Variants in SYT2 observed in about 807,000 individuals in gnomAD.
SYT2 encodes synaptotagmin 2, also known as synaptotagmin-2.
A neutral mutation model predicts 39.9 loss-of-function variants in SYT2; 15 were observed. The observed-to-expected ratio is 0.38, with a 90% confidence interval of 0.25 to 0.58. The LOEUF is 0.58. Among genes scored for constraint, SYT2 ranks in the 20% least tolerant of loss-of-function variants. SYT2 has a pLI of 0.70. For synonymous variants in SYT2, 181 were observed against 204.5 expected, an observed-to-expected ratio of 0.89 and a Z score of 0.98; for missense variants, 389 against 530.3, an observed-to-expected ratio of 0.73 and a Z score of 2.62.
chr1:202,684,476 T>C (rs1653609230), intron 1 of SYT2, among the ~76,000 whole-genome samples: 1 of 152,246 alleles, frequency 6.6e-6, no homozygotes, highest in Admixed American at 6.5e-5. Context: ...ATCTCCTTCT[T>C]TTTTAAATGG....
rs148095844 is a variant in SYT2 at position 202,705,030 on chromosome 1, C to G, written c.-18+5228G>C. The stretch of plus-strand genomic sequence containing the variant: ...CACCCAGCCTCCTGCTTCTACTCAA[C>G]GCGTTAGTGGCCTCATCCCAAGGAC... On this transcript the variant is annotated intron_variant, in intron 1 of 8. Transcript: ENST00000367268. Among the ~76,000 whole-genome samples, 1,010 of 152,372 alleles carry G rather than the reference C, an allele frequency of 6.6e-3. 20 individuals are homozygous for G. The highest frequency in any genetic ancestry group is 0.023 in the African/African-American group (970 of 41,584).
intron 1 of SYT2, among the ~76,000 whole-genome samples, chr1:202,640,702 T>A (rs925345444): frequency 7.5e-5 from 11 of 147,376 alleles, no homozygotes; most frequent in Non-Finnish European, 1.5e-4. Context: ...CTGTTTCCCA[T>A]GAAGTTTCTA....
At chr1:202,642,311 C>T (rs1009014297) in intron 1 of SYT2, among the ~76,000 whole-genome samples, 17 of 151,912 alleles carry the variant, frequency 1.1e-4, no homozygotes, top group Non-Finnish European at 4.4e-5. Context: ...CAGCGATTCC[C>T]AGGTGCAGAG....
At chr1:202,669,204 G>C (rs965823235) in intron 1 of SYT2, among the ~76,000 whole-genome samples, 1 of 152,130 alleles carries the variant, frequency 6.6e-6, no homozygotes, top group Non-Finnish European at 1.5e-5. Context: ...CTAAAATACT[G>C]TTTAGAAATA....
At chr1:202,633,864 G>A (rs1691666242) in intron 1 of SYT2, among the ~76,000 whole-genome samples, 1 of 152,238 alleles carries the variant, frequency 6.6e-6, no homozygotes, top group Non-Finnish European at 1.5e-5. Flanking sequence ...GCCACATGGT[G>A]AGTCAGACAG....
Position 202,594,848 on chromosome 1 carries a change from C to CA in SYT2, c.*1908dup, listed in dbSNP as rs1182606306. ...CCCTCATTTCCCTCACTCCTTCATCCAAAAAACAAAGCAAAACCAAAAGCC... is the reference window on the plus strand; with the variant it reads ...CCCTCATTTCCCTCACTCCTTCATCCAAAAAAACAAAGCAAAACCAAAAGCC... On this transcript the variant is annotated 3_prime_UTR_variant, in exon 9 of 9. Transcript: ENST00000367268. The CA allele has an allele frequency of 6.6e-6, 1 of 152,044 alleles. No individual in the cohort carries two copies. The highest frequency in any genetic ancestry group is 1.5e-5 in the Non-Finnish European group (1 of 68,012). The allele number at this position is 152,044 out of a possible 1,614,324, so 9.4% of individuals were successfully genotyped here.
At chr1:202,681,563 C>T (rs1022365987) in intron 1 of SYT2, among the ~76,000 whole-genome samples, 4 of 152,212 alleles carry the variant, frequency 2.6e-5, no homozygotes, top group African/African-American at 7.2e-5. Flanking sequence ...AGTGTATGAT[C>T]TTGAGCCCTG....
rs150392142 is a variant in SYT2, at chr1:202,603,113, G to A, written c.351C>T (p.Asp117=). 439 of 1,613,744 alleles carry A rather than the reference G, an allele frequency of 2.7e-4. No individual in the cohort carries two copies. The African/African-American group carries it at 3.9e-3, about 14-fold the overall frequency. The part of the protein sequence containing the change: ...NMKDMKGGQD[D]DDAETGLTEG... Reference sequence around the variant, plus strand: ...CAGTCAGGCCTGTCTCTGCGTCGTCGTCATCCTGTGGGAGCTGGGGGAGAG... The same window carrying A: ...CAGTCAGGCCTGTCTCTGCGTCGTCATCATCCTGTGGGAGCTGGGGGAGAG... The change falls in exon 4 of 9, where the codon GAC becomes GAT. Residue 117 remains aspartate, a synonymous_variant. Transcript: ENST00000367268.
rs117602563 is a variant in SYT2 at position 202,706,672 on chromosome 1, A to G, written c.-18+3586T>C. Among the ~76,000 whole-genome samples the G allele has an allele frequency of 1.4e-4, 22 of 152,320 alleles. No individual in the cohort carries two copies. In the East Asian group the frequency reaches 2.9e-3, roughly 20 times the overall value. The stretch of plus-strand genomic sequence containing the variant: ...AAATCTCTGACTTGATGTTTCTCCA[A>G]TGAAACTATATTATTTATCACAGGC... On this transcript the variant is annotated intron_variant, in intron 1 of 8. Coordinates refer to ENST00000367268, the MANE Select transcript of SYT2 (RefSeq NM_177402.5).
intron 1 of SYT2, among the ~76,000 whole-genome samples, chr1:202,606,175 A>G (rs1277700806): frequency 6.6e-6 from 1 of 152,190 alleles, no homozygotes; most frequent in African/African-American, 2.4e-5. Context: ...CATCTAATCC[A>G]AAAAATAACC....
chr1:202,643,335 G>A (rs1469749717), intron 1 of SYT2: 3 of 152,362 alleles, frequency 2.0e-5, no homozygotes, highest in East Asian at 1.9e-4. Flanking sequence ...GGGCGGGGGC[G>A]GGGGCGGGGA....
chr1:202,611,950 A>C lies in SYT2; in HGVS notation c.-17-6161T>G, dbSNP rs570819331. Among the ~76,000 whole-genome samples the C allele has an allele frequency of 2.6e-5, 4 of 152,186 alleles. No homozygotes were observed. In the South Asian group the frequency reaches 8.3e-4, roughly 32 times the overall value. On this transcript the variant is annotated intron_variant, in intron 1 of 8. Coordinates refer to ENST00000367268, the MANE Select transcript of SYT2 (RefSeq NM_177402.5). ...ACTGCAGCCATGGCCTCCTGAGCTC[A>C]AGTGATCCTCCAGCCTCAGCCTCCC...
chr1:202,690,091 G>A (rs1169300063), intron 1 of SYT2, among the ~76,000 whole-genome samples: 1 of 145,430 alleles, frequency 6.9e-6, no homozygotes, highest in East Asian at 2.1e-4. Context: ...CGGAACAGCT[G>A]GAACTGAGAC....
At chr1:202,632,028 C>T (rs7556276) in intron 1 of SYT2, 123,229 of 984,814 alleles carry the variant, frequency 0.13, 11,286 homozygotes, top group African/African-American at 0.45. Context: ...ACCACAAGAG[C>T]TTCCTTTATG....
intron 1 of SYT2, among the ~76,000 whole-genome samples, chr1:202,661,980 C>G (rs1475083241): frequency 6.6e-6 from 1 of 152,196 alleles, no homozygotes; most frequent in Non-Finnish European, 1.5e-5. Context: ...CTGTGGTCAC[C>G]CTTGTCCACA....
chr1:202,650,432 A>T (rs934171416), intron 1 of SYT2, among the ~76,000 whole-genome samples: 2 of 136,060 alleles, frequency 1.5e-5, no homozygotes, highest in Non-Finnish European at 1.6e-5. Flanking sequence ...TTTGTTTCAT[A>T]TGCTTTTGTT....
chr1:202,673,914 C>T (rs575705682), intron 1 of SYT2, among the ~76,000 whole-genome samples: 1 of 152,256 alleles, frequency 6.6e-6, no homozygotes, highest in South Asian at 2.1e-4. Flanking sequence ...GGCTGATGGG[C>T]AGTGACAGTT....
chr1:202,629,712 T>A (rs1277986094), intron 1 of SYT2, among the ~76,000 whole-genome samples: 2 of 152,004 alleles, frequency 1.3e-5, no homozygotes, highest in Admixed American at 6.6e-5. Context: ...CTACAAAAAA[T>A]TTTAAAATTA....
In SYT2 at chr1:202,593,701, C is replaced by G. The variant is rs1483492909; in HGVS notation, c.*3056G>C. 6.6e-6 allele frequency: 1 copy of G among 152,194 alleles called. No individual in the cohort carries two copies. Among genetic ancestry groups the G allele is most frequent in the East Asian group, 1.9e-4 (1 of 5,184 alleles). 9.4% of individuals were successfully genotyped at this position (152,194 alleles called of 1,614,324 possible). A position where few individuals can be genotyped will look rare whatever the true frequency, so the allele number is the denominator to read the frequency against. ...CCTGTAGCTCTGGCAGAGTTAGCAT[C>G]CCTTCTGGAACAATTATTCAGGGAG... On this transcript the variant is annotated 3_prime_UTR_variant, in exon 9 of 9. Coordinates refer to ENST00000367268, the MANE Select transcript of SYT2 (RefSeq NM_177402.5).
Sources: allele counts gnomAD v4.1 joint callset (sites outside exome capture counted in the v4.1 genomes callset), GRCh38; gene constraint gnomAD v4.1.1; transcripts MANE v1.5; gene names NCBI Gene and HGNC (gene_info 2026-07-23, HGNC 2026-07-21).